The following SYT14 variants were observed in gnomAD, a reference collection of about 807,000 sequenced individuals.
SYT14 encodes the protein synaptotagmin 14, also known as synaptotagmin-14.
A neutral mutation model predicts 74.2 loss-of-function variants in SYT14; 32 were observed. That is an observed-to-expected ratio of 0.43 (90% CI 0.33 to 0.58). The LOEUF is 0.58. Ranked by LOEUF, SYT14 falls within the 20% of genes least tolerant of loss-of-function variation. The pLI is 0.05. For missense variants in SYT14, 791 were observed against 981.8 expected (o/e 0.81, Z 2.60); for synonymous variants, 298 against 337.7 (o/e 0.88, Z 1.29).
chr1:210,058,205 C>G (rs558543581), intron 5 of SYT14, among the ~76,000 whole-genome samples: 1 of 152,230 alleles, frequency 6.6e-6, no homozygotes, highest in South Asian at 2.1e-4. Flanking sequence ...GACTTCCCTA[C>G]GTATTTATTA....
At chr1:210,031,191 A>G (rs1203250378) in intron 5 of SYT14, among the ~76,000 whole-genome samples, 2 of 147,012 alleles carry the variant, frequency 1.4e-5, no homozygotes. Flanking sequence ...TGTTGATAGT[A>G]TCATATGGTT....
intron 2 of SYT14, among the ~76,000 whole-genome samples, chr1:209,988,026 C>T (rs1397731824): frequency 1.3e-5 from 2 of 152,138 alleles, no homozygotes; most frequent in African/African-American, 4.8e-5. Flanking sequence ...TTGACCATCA[C>T]TTCTTCAAAT....
intron 2 of SYT14, among the ~76,000 whole-genome samples, chr1:209,996,500 G>A (rs902377920): frequency 3.9e-5 from 6 of 152,024 alleles, no homozygotes; most frequent in Non-Finnish European, 5.9e-5. Context: ...TGGACCAGGT[G>A]GATTCACAGC....
Position 210,052,665 on chromosome 1 carries a change from C to CAAAAAAA in SYT14, c.1312+31424_1312+31430dup, listed in dbSNP as rs561069342. ...CAGCAAGAGCGAAACTACATCTCAC[C>CAAAAAAA]AAAAAAAAAAAAAAAAAAAGCTCTC... On this transcript the variant is annotated intron_variant, in intron 5 of 9. Transcript: ENST00000637265. Among the ~76,000 whole-genome samples, 124 of 42,244 alleles carry CAAAAAAA rather than the reference C, an allele frequency of 2.9e-3. 20 individuals carry two copies. Among genetic ancestry groups the CAAAAAAA allele is most frequent in the African/African-American group, 0.011 (100 of 9,250 alleles). 27.7% of individuals were successfully genotyped at this position (42,244 alleles called of 152,430 possible). A position where few individuals can be genotyped will look rare whatever the true frequency, so the allele number is the denominator to read the frequency against.
At chr1:210,092,329 C>T (rs2081883736) in intron 5 of SYT14, among the ~76,000 whole-genome samples, 1 of 152,132 alleles carries the variant, frequency 6.6e-6, no homozygotes, top group Admixed American at 6.6e-5. Flanking sequence ...GCTGCTACTC[C>T]TCCAAGAGGG....
chr1:209,990,376 C>G lies in SYT14; in HGVS notation c.-485-23257C>G, dbSNP rs185852151. On this transcript the variant is annotated intron_variant, in intron 2 of 9. Transcript: ENST00000637265. The stretch of plus-strand genomic sequence containing the variant: ...AAAAACTTCTCAACTTTATTTAGCC[C>G]AATATTTCCTGAATACGTTTCATCA... 4.6e-4 allele frequency among the ~76,000 whole-genome samples: 69 copies of G among 151,042 alleles called. No homozygotes were observed. The East Asian group carries it at 0.01, about 22-fold the overall frequency.
chr1:209,981,355 T>G (rs2079480952), intron 2 of SYT14, among the ~76,000 whole-genome samples: 1 of 152,118 alleles, frequency 6.6e-6, no homozygotes, highest in South Asian at 2.1e-4. Context: ...TGGAAAAAGA[T>G]TTTATTTTTT....
rs532246231 is a variant in SYT14, at chr1:210,104,074, A to G, written c.2034+3613A>G. ...ATACAGACTGAACAAAGAAGCAGAC[A>G]CTGCAGTCAGATCATGTTTCCATGA... On this transcript the variant is annotated intron_variant, in intron 7 of 9. Coordinates refer to ENST00000637265, the Ensembl canonical transcript of SYT14. Among the ~76,000 whole-genome samples the G allele has an allele frequency of 1.2e-4, 19 of 152,328 alleles. No individual in the cohort carries two copies. The East Asian group carries it at 2.3e-3, about 19-fold the overall frequency.
At chr1:210,131,540 ATTAT>A (rs1176803827) in intron 7 of SYT14, among the ~76,000 whole-genome samples, 3 of 151,444 alleles carry the variant, frequency 2.0e-5, no homozygotes, top group Middle Eastern at 6.9e-3. Flanking sequence ...ATTTTTTATC[ATTAT>A]TTATATATAT....
exon 4 of SYT14, chr1:210,015,841 A>C (rs1350866466): frequency 8.3e-7 from 1 of 1,202,042 alleles, no homozygotes; most frequent in African/African-American, 1.6e-5. Flanking sequence ...CTTTCAATGC[A>C]TAATGTATTT....
At chr1:210,162,068 A>C (rs985528664) in exon 10 of SYT14, 5 of 440,418 alleles carry the variant, frequency 1.1e-5, no homozygotes, top group African/African-American at 8.1e-5. Flanking sequence ...CTAAATCTTC[A>C]CTCTTACTTC....
chr1:210,015,315 A>G (rs1279346861), intron 3 of SYT14, among the ~76,000 whole-genome samples: 2 of 152,144 alleles, frequency 1.3e-5, no homozygotes, highest in African/African-American at 4.8e-5. Flanking sequence ...TTATTGTAAA[A>G]CTAGTCTTGA....
At chr1:210,073,011 A>T (rs1457516006) in intron 5 of SYT14, among the ~76,000 whole-genome samples, 4 of 100 alleles carry the variant, frequency 0.04, no homozygotes, top group Admixed American at 0.17. Flanking sequence ...GCAATCTGTA[A>T]AAAAAAAAAA....
rs1199285926 is a variant in SYT14 at position 210,060,651 on chromosome 1, G to T, written c.1313-33671G>T. ...GGCAAAAAATATGGAAATTTAAAGG[G>T]AAACAGCCCTCTAATAGAAAGGAAA... is the stretch of plus-strand genomic sequence containing the variant. On this transcript the variant is annotated intron_variant, in intron 5 of 9. Coordinates refer to ENST00000637265, the Ensembl canonical transcript of SYT14. Among the ~76,000 whole-genome samples the T allele has an allele frequency of 2.0e-5, 3 of 152,052 alleles. No individual in the cohort carries two copies. In the East Asian group the frequency reaches 5.8e-4, roughly 29 times the overall value.
intron 5 of SYT14, among the ~76,000 whole-genome samples, chr1:210,089,531 T>C (rs964012290): frequency 6.6e-6 from 1 of 152,222 alleles, no homozygotes; most frequent in Non-Finnish European, 1.5e-5. Flanking sequence ...CCACAACCTC[T>C]CCAGCATCTG....
chr1:210,059,799 G>C (rs1190135841), intron 5 of SYT14, among the ~76,000 whole-genome samples: 1 of 152,030 alleles, frequency 6.6e-6, no homozygotes, highest in East Asian at 1.9e-4. Context: ...AATTTGGATT[G>C]TTACATTCAC....
intron 5 of SYT14, among the ~76,000 whole-genome samples, chr1:210,053,252 C>T (rs1209494539): frequency 6.6e-6 from 1 of 152,240 alleles, no homozygotes; most frequent in East Asian, 1.9e-4. Context: ...GCCTGCTATG[C>T]TATGCACAGA....
chr1:210,071,586 A>G (rs1361171805), intron 5 of SYT14, among the ~76,000 whole-genome samples: 1 of 152,020 alleles, frequency 6.6e-6, no homozygotes, highest in Non-Finnish European at 1.5e-5. Flanking sequence ...TTAAAAGGAT[A>G]AGTCACAAAA....
chr1:210,166,896 T>G (rs1219892871), exon 10 of SYT14: 2 of 152,194 alleles, frequency 1.3e-5, no homozygotes, highest in African/African-American at 4.8e-5. Flanking sequence ...CTAGGATTAA[T>G]GTTATTCATC....
Sources: allele counts gnomAD v4.1 joint callset (sites outside exome capture counted in the v4.1 genomes callset), GRCh38; gene constraint gnomAD v4.1.1; transcripts MANE v1.5; gene names NCBI Gene and HGNC (gene_info 2026-07-23, HGNC 2026-07-21).